SPHKAP: variants seen among roughly 807,000 people sequenced by gnomAD.
SPHKAP encodes SPHK1 interactor, AKAP domain containing.
SPHKAP carries 67 observed loss-of-function variants against 137.5 expected under a neutral mutation model. The ratio of observed to expected loss-of-function variants is 0.49; its 90% CI spans 0.40 to 0.60. The LOEUF (loss-of-function observed/expected upper bound fraction) is 0.60. SPHKAP is among the 20% of genes least tolerant of loss of function. The probability of loss-of-function intolerance (pLI) is 0.00; values close to 1 mark genes in which losing one functional copy is unlikely to be tolerated. For missense variants in SPHKAP, 2,097 were observed against 2,069.3 expected, an observed-to-expected ratio of 1.01 and a Z score of -0.26; for synonymous variants, 813 against 785.3, an observed-to-expected ratio of 1.04 and a Z score of -0.59.
intron 3 of SPHKAP, among the ~76,000 whole-genome samples, chr2:228,056,790 TA>T (rs562729487): frequency 2.0e-5 from 3 of 152,234 alleles, no homozygotes; most frequent in Admixed American, 2.0e-4. Context: ...TTGCAGCTTG[TA>T]TTGGGAAGGC....
At chr2:228,119,743 A>C (rs1323681681) in intron 2 of SPHKAP, among the ~76,000 whole-genome samples, 3 of 152,158 alleles carry the variant, frequency 2.0e-5, no homozygotes, top group African/African-American at 7.2e-5. Flanking sequence ...AAAATTTGGC[A>C]TCAGAAACTG....
chr2:228,070,922 C>T (rs985190997), intron 3 of SPHKAP, among the ~76,000 whole-genome samples: 17 of 152,026 alleles, frequency 1.1e-4, no homozygotes, highest in African/African-American at 2.9e-4. Flanking sequence ...TTGATTCCTT[C>T]GGTGTTGAAC....
At chr2:228,025,226 G>A (rs1378335656) in intron 5 of SPHKAP, among the ~76,000 whole-genome samples, 168 bp downstream of exon 5, 1 of 152,196 alleles carries the variant, frequency 6.6e-6, no homozygotes, top group Non-Finnish European at 1.5e-5. Flanking sequence ...CAAACTCTAA[G>A]TGGCTCTATT....
chr2:227,991,584 G>A lies in SPHKAP; in HGVS notation c.4722-258C>T, dbSNP rs79126223. 174 of 985,352 alleles carry A rather than the reference G, an allele frequency of 1.8e-4. No individual in the cohort carries two copies. The African/African-American group carries it at 2.9e-3, about 16-fold the overall frequency. 61.0% of individuals were successfully genotyped at this position (985,352 alleles called of 1,614,324 possible). A position where few individuals can be genotyped will look rare whatever the true frequency, so the allele number is the denominator to read the frequency against. ...TTACTTTAGTTAGGATAGCTGGTGT[G>A]GGAGACTGAGAGATGCAACCTTCTC... On this transcript the variant is annotated intron_variant, in intron 9 of 11. Coordinates refer to ENST00000392056, the MANE Select transcript of SPHKAP (RefSeq NM_001142644.2).
intron 3 of SPHKAP, among the ~76,000 whole-genome samples, chr2:228,105,885 G>A (rs1340864853): frequency 6.6e-6 from 1 of 152,000 alleles, no homozygotes; most frequent in East Asian, 1.9e-4. Flanking sequence ...CCAAGTCTCG[G>A]GTATTTCTTT....
At chr2:228,020,288 T>G (rs766864009) in intron 6 of SPHKAP, 132 bp from the exon 7 acceptor site, 47 of 1,326,936 alleles carry the variant, frequency 3.5e-5, no homozygotes, top group Non-Finnish European at 4.1e-5. Flanking sequence ...TGCAGCACTA[T>G]TCACAATAGC....
At chr2:228,122,358 A>G (rs1698938137) in intron 2 of SPHKAP, among the ~76,000 whole-genome samples, 2 of 152,128 alleles carry the variant, frequency 1.3e-5, no homozygotes, top group African/African-American at 2.4e-5. Flanking sequence ...CACAGTGAAA[A>G]TGATGCTCAA....
At chr2:228,016,154 C>T (rs1197084506) in intron 7 of SPHKAP, among the ~76,000 whole-genome samples, 1 of 151,562 alleles carries the variant, frequency 6.6e-6, no homozygotes, top group Non-Finnish European at 1.5e-5. Flanking sequence ...GCATATTAAC[C>T]TAGGAGATCA....
At chr2:228,112,888 C>A (rs868211667) in intron 2 of SPHKAP, among the ~76,000 whole-genome samples, 2 of 152,102 alleles carry the variant, frequency 1.3e-5, no homozygotes, top group African/African-American at 4.8e-5. Flanking sequence ...GCTTTAGAGA[C>A]CTGCTCATTC....
chr2:228,163,826 T>C (rs1700345049), intron 1 of SPHKAP, among the ~76,000 whole-genome samples: 1 of 152,196 alleles, frequency 6.6e-6, no homozygotes, highest in South Asian at 2.1e-4. Context: ...GCTGCCACTT[T>C]TGAATAATCC....
rs150380350 is a variant in SPHKAP at position 228,027,749 on chromosome 2, C to T, written c.247-206G>A. On this transcript the variant is annotated intron_variant, in intron 3 of 11. Transcript: ENST00000392056. ...TTAGGAGGCCAAGGCGGGCAGATCA[C>T]GAGGTCAGGAGATCGAGACCATCCT... 1.1e-3 allele frequency among the ~76,000 whole-genome samples: 165 copies of T among 152,016 alleles called. 1 individual carries two copies. The highest frequency in any genetic ancestry group is 6.8e-3 in the Middle Eastern group (2 of 292).
chr2:228,031,947 A>C (rs563030303), intron 3 of SPHKAP, among the ~76,000 whole-genome samples: 63 of 152,326 alleles, frequency 4.1e-4, no homozygotes, highest in African/African-American at 1.5e-3. Flanking sequence ...AACAGCAGAA[A>C]AACTGGAAAC....
intron 3 of SPHKAP, among the ~76,000 whole-genome samples, chr2:228,075,769 C>T (rs73096682): frequency 6.6e-6 from 1 of 152,048 alleles, no homozygotes; most frequent in Non-Finnish European, 1.5e-5. Flanking sequence ...AAATTAGAAG[C>T]AGCTAATAGA....
intron 2 of SPHKAP, among the ~76,000 whole-genome samples, chr2:228,115,576 A>G (rs1698683901): frequency 6.6e-6 from 1 of 152,170 alleles, no homozygotes; most frequent in South Asian, 2.1e-4. Flanking sequence ...TACTTAAAAA[A>G]TAGCAATTTT....
chr2:228,083,966 A>G (rs1697454276), intron 3 of SPHKAP, among the ~76,000 whole-genome samples: 1 of 152,102 alleles, frequency 6.6e-6, no homozygotes, highest in Admixed American at 6.6e-5. Context: ...GGGCATTAGG[A>G]CAAATATCTA....
chr2:227,999,452 C>CAGAT (rs1233369933), intron 7 of SPHKAP, among the ~76,000 whole-genome samples: 3 of 152,240 alleles, frequency 2.0e-5, no homozygotes, highest in African/African-American at 7.2e-5. Context: ...AGCCAAGAAC[C>CAGAT]AGATACAAAG....
At chr2:228,162,798 A>G (rs1390085289) in intron 1 of SPHKAP, among the ~76,000 whole-genome samples, 1 of 152,136 alleles carries the variant, frequency 6.6e-6, no homozygotes, top group Non-Finnish European at 1.5e-5. Context: ...TCCCGGGTTC[A>G]GGTGATTCTC....
intron 3 of SPHKAP, among the ~76,000 whole-genome samples, chr2:228,081,644 G>A (rs1697368465): frequency 1.3e-5 from 2 of 152,094 alleles, no homozygotes; most frequent in South Asian, 4.1e-4. Flanking sequence ...TCTCACTTGG[G>A]GCAACATGGA....
chr2:228,007,430 T>C (rs189201832), intron 7 of SPHKAP, among the ~76,000 whole-genome samples: 1 of 152,118 alleles, frequency 6.6e-6, no homozygotes, highest in South Asian at 2.1e-4. Flanking sequence ...TGTCTAACTA[T>C]AGCTTTTTAC....
Sources: gnomAD v4.1 joint callset for allele counts (sites outside exome capture counted in the v4.1 genomes callset) on GRCh38, gnomAD v4.1.1 for gene constraint, MANE v1.5 for transcripts, NCBI Gene and HGNC (gene_info 2026-07-23, HGNC 2026-07-21) for gene names.